RPH3AL: variants seen among roughly 807,000 people sequenced by gnomAD.
RPH3AL encodes the protein rabphilin 3A like (without C2 domains).
In RPH3AL, 38 loss-of-function variants were observed where a neutral mutation model predicts 43.1. That is an observed-to-expected ratio of 0.88 (90% confidence interval 0.68 to 1.15). The LOEUF is 1.15. Ranked by LOEUF, RPH3AL falls within the 50% of genes most tolerant of loss-of-function variation. The probability of loss-of-function intolerance (pLI) is 0.00; values close to 1 mark genes in which losing one functional copy is unlikely to be tolerated. For missense variants in RPH3AL, 462 were observed against 423.2 expected, an observed-to-expected ratio of 1.09 and a Z score of -0.81; for synonymous variants, 189 against 176.3, an observed-to-expected ratio of 1.07 and a Z score of -0.57.
rs866211319 is a variant in RPH3AL at position 333,352 on chromosome 17, C to T, written c.-37+407G>A. 1 of 1,221,598 alleles carries T rather than the reference C, an allele frequency of 8.2e-7. No individual in the cohort carries two copies. Among genetic ancestry groups the T allele is most frequent in the Non-Finnish European group, 1.1e-6 (1 of 930,274 alleles). 75.7% of individuals were successfully genotyped at this position (1,221,598 alleles called of 1,614,324 possible). A position where few individuals can be genotyped will look rare whatever the true frequency, so the allele number is the denominator to read the frequency against. ...CACCTTAAATTCTCACATCAGCCAC[C>T]CCCATGGCGACTCTTAACACCTTAA... On this transcript the variant is annotated intron_variant, in intron 2 of 9. Coordinates refer to ENST00000331302, the MANE Select transcript of RPH3AL (RefSeq NM_006987.4). This position sits in a 1 kb window ranked among gnomAD's most constrained non-coding sequence, Gnocchi z 4.5.
At chr17:317,262 G>A (rs547003820) in intron 5 of RPH3AL, among the ~76,000 whole-genome samples, 189 of 148,132 alleles carry the variant, frequency 1.3e-3, no homozygotes, top group Non-Finnish European at 2.0e-3. Context: ...TGCAGTCCCT[G>A]TGCCCCACCT....
In RPH3AL at chr17:290,353, C is replaced by T. The variant is rs1423685604; in HGVS notation, c.352-8499G>A. On this transcript the variant is annotated intron_variant, in intron 5 of 9. Transcript: ENST00000331302. The surrounding 1 kb of genome is among the most constrained non-coding windows in gnomAD (Gnocchi z 4.2). Reference sequence around the variant, plus strand: ...TATGGAGCATAAACCCAGGCTGGCCCGGCCACAGGGGAAATGACTCCGGGA... The same window carrying T: ...TATGGAGCATAAACCCAGGCTGGCCTGGCCACAGGGGAAATGACTCCGGGA... Among the ~76,000 whole-genome samples the T allele has an allele frequency of 6.6e-6, 1 of 151,394 alleles. No individual in the cohort carries two copies. Among genetic ancestry groups the T allele is most frequent in the Non-Finnish European group, 1.5e-5 (1 of 67,812 alleles).
At chr17:335,361 C>T (rs1234264665) in intron 1 of RPH3AL, among the ~76,000 whole-genome samples, 7 of 152,226 alleles carry the variant, frequency 4.6e-5, no homozygotes, top group Non-Finnish European at 7.4e-5. Flanking sequence ...CGCTGCAGGA[C>T]GCCAGTTGGT....
intron 7 of RPH3AL, among the ~76,000 whole-genome samples, chr17:238,258 GAGAA>G (rs979978625): frequency 1.3e-5 from 2 of 151,566 alleles, no homozygotes; most frequent in Non-Finnish European, 2.9e-5. Flanking sequence ...GAAAGAGAGA[GAGAA>G]AGAGAAAAAG....
rs573859208 is a variant in RPH3AL at position 242,688 on chromosome 17, A to G, written c.613+4423T>C. ...CTTCCTCTATTGACTACCTTCCTCT[A>G]TTGATTACCTTCCTCTATTGATTAC... On this transcript the variant is annotated intron_variant, in intron 7 of 9. Transcript: ENST00000331302. Among the ~76,000 whole-genome samples the G allele has an allele frequency of 2.6e-5, 3 of 114,330 alleles. No individual in the cohort carries two copies. The Admixed American group carries it at 2.8e-4, about 11-fold the overall frequency. The allele number at this position is 114,330 out of a possible 152,430, so 75.0% of individuals were successfully genotyped here. A position where few individuals can be genotyped will look rare whatever the true frequency, so the allele number is the denominator to read the frequency against.
At chr17:281,370 G>T (rs2042773804) in intron 6 of RPH3AL, among the ~76,000 whole-genome samples, 1 of 152,056 alleles carries the variant, frequency 6.6e-6, no homozygotes, top group Non-Finnish European at 1.5e-5. Context: ...ATTCATACAT[G>T]CAAGGAACTT....
Position 213,889 on chromosome 17 carries a change from T to C in RPH3AL, c.911A>G (p.Asp304Gly). 6.2e-7 allele frequency: 1 copy of C among 1,613,778 alleles called. No homozygotes were observed. Residue 304 changes from aspartate to glycine, a missense_variant, in exon 10 of 10, where the codon GAC becomes GGC. Physicochemically the swap from Asp to Gly is moderately conservative, Grantham distance 94 (BLOSUM62 -1). Coordinates refer to ENST00000331302, the MANE Select transcript of RPH3AL (RefSeq NM_006987.4). ...KDTPGRAPAA[D>G]AAPAGPSSCL... ...GCTGGAGGGGCCTGCTGGAGCTGCG[T>C]CAGCAGCGGGGGCTCGTCCAGGTGT...
In RPH3AL at chr17:345,715, C is replaced by T. The variant is rs547044187; in HGVS notation, c.-213+6997G>A. Among the ~76,000 whole-genome samples, 8 of 120,672 alleles carry T rather than the reference C, an allele frequency of 6.6e-5. 2 individuals carry two copies. In the East Asian group the frequency reaches 2.2e-3, roughly 32 times the overall value. 79.2% of individuals were successfully genotyped at this position (120,672 alleles called of 152,430 possible). ...CTGGGGCACGCGTGCTCCCCATCTG[C>T]GTGCATACCCTACTGGGGCACGCGT... On this transcript the variant is annotated intron_variant, in intron 1 of 9. Coordinates refer to ENST00000331302, the MANE Select transcript of RPH3AL (RefSeq NM_006987.4).
chr17:216,683 G>C (rs1336593560), intron 8 of RPH3AL, among the ~76,000 whole-genome samples: 1 of 152,138 alleles, frequency 6.6e-6, no homozygotes, highest in African/African-American at 2.4e-5. Context: ...ATTTTCTCTA[G>C]AATCTTCAGC....
At chr17:345,467 G>C (rs1355571300) in intron 1 of RPH3AL, among the ~76,000 whole-genome samples, 2 of 134,980 alleles carry the variant, frequency 1.5e-5, no homozygotes, top group Admixed American at 1.4e-4. Context: ...AGAGAAGCTG[G>C]AAGGGGGAAT....
intron 8 of RPH3AL, among the ~76,000 whole-genome samples, chr17:216,943 G>T (rs374029343): frequency 9.1e-4 from 138 of 152,240 alleles, no homozygotes; most frequent in African/African-American, 3.2e-3. Context: ...ACCCAGTCTT[G>T]GTCCCAAGAC....
chr17:229,442 G>C (rs781471160), intron 7 of RPH3AL, among the ~76,000 whole-genome samples: 3 of 152,250 alleles, frequency 2.0e-5, no homozygotes, highest in Non-Finnish European at 2.9e-5. Flanking sequence ...GGTCAGCAAG[G>C]GGTGGGCCAC....
At chr17:230,829 G>A (rs1433208503) in intron 7 of RPH3AL, among the ~76,000 whole-genome samples, 1 of 152,088 alleles carries the variant, frequency 6.6e-6, no homozygotes, top group African/African-American at 2.4e-5. Context: ...ATCTCTTTGT[G>A]CCTCCCTTGT....
intron 7 of RPH3AL, among the ~76,000 whole-genome samples, chr17:227,648 C>CT (rs2151510382): frequency 6.6e-6 from 1 of 152,268 alleles, no homozygotes; most frequent in East Asian, 1.9e-4. Context: ...GCCCTGGTGC[C>CT]TCTCCCTGGT....
intron 5 of RPH3AL, among the ~76,000 whole-genome samples, chr17:295,176 A>T (rs1428599642): frequency 4.1e-5 from 5 of 123,444 alleles, no homozygotes; most frequent in African/African-American, 1.3e-4. Context: ...GGGACAGAGG[A>T]GCTGCAGAAA....
chr17:219,686 C>A lies in RPH3AL; in HGVS notation c.664G>T (p.Glu222Ter). The A allele has an allele frequency of 6.2e-7, 1 of 1,613,740 alleles. No individual in the cohort carries two copies. The highest frequency in any genetic ancestry group is 8.5e-7 in the Non-Finnish European group (1 of 1,179,940). Residue 222 changes from glutamate (E) to a stop codon, truncating the protein, a stop_gained, in exon 8 of 10, where the codon GAG becomes TAG. Transcript: ENST00000331302. LOFTEE classifies it high-confidence loss of function. ...SDSDLSSSSL[E>*]DRLPSTGVRD... ...ACCCCAGTGGATGGGAGTCTGTCCT[C>A]TAGGCTGGAGGAGCTAAGATCCGAG... is the stretch of plus-strand genomic sequence containing the variant.
At chr17:315,692 T>C (rs2044043750) in intron 5 of RPH3AL, among the ~76,000 whole-genome samples, 3 of 150,330 alleles carry the variant, frequency 2.0e-5, no homozygotes, top group Non-Finnish European at 2.9e-5. Flanking sequence ...TGACCCCACC[T>C]CCATTGACCT....
intron 5 of RPH3AL, among the ~76,000 whole-genome samples, chr17:304,644 C>T (rs562770767): frequency 2.0e-5 from 3 of 152,112 alleles, no homozygotes; most frequent in South Asian, 2.1e-4. Context: ...AGGGCAGGCC[C>T]GAACCAGCCG....
intron 1 of RPH3AL, among the ~76,000 whole-genome samples, chr17:344,199 C>G (rs1464232463): frequency 3.0e-5 from 4 of 132,602 alleles, no homozygotes; most frequent in African/African-American, 1.0e-4. Context: ...TCACCCTCAT[C>G]ATCATCACCA....
Sources: gnomAD v4.1 joint callset for allele counts (sites outside exome capture counted in the v4.1 genomes callset) on GRCh38, gnomAD v4.1.1 for gene constraint, Gnocchi (gnomAD v3.1) non-coding constraint, MANE v1.5 for transcripts, NCBI Gene and HGNC (gene_info 2026-07-23, HGNC 2026-07-21) for gene names.